Variants in KIAA1217 observed in about 807,000 individuals in gnomAD.
The protein encoded by KIAA1217 is sickle tail protein homolog.
Under a neutral mutation model 163.9 loss-of-function variants are expected in KIAA1217, and 88 were observed. The observed-to-expected ratio is 0.54, with a 90% confidence interval of 0.45 to 0.64. KIAA1217 has a LOEUF of 0.64. KIAA1217 is among the 30% of genes least tolerant of loss of function. KIAA1217 has a pLI of 0.00. For missense variants in KIAA1217, 2,372 were observed against 2,475.0 expected (o/e 0.96, Z 0.88); for synonymous variants, 903 against 923.1 (o/e 0.98, Z 0.39).
intron 2 of KIAA1217, among the ~76,000 whole-genome samples, chr10:24,117,279 C>A (rs898904504): frequency 6.6e-6 from 1 of 152,086 alleles, no homozygotes; most frequent in African/African-American, 2.4e-5. Flanking sequence ...TCAGGTGATC[C>A]GCCCGCCTTG....
intron 3 of KIAA1217, among the ~76,000 whole-genome samples, chr10:24,422,064 C>T (rs2058774488): frequency 6.6e-6 from 1 of 152,226 alleles, no homozygotes; most frequent in Middle Eastern, 3.4e-3. Flanking sequence ...AGTAAAGTCA[C>T]ATCTTACATG....
chr10:23,993,553 C>CTTTGTTTTTTTTTTTTTT (rs1846318507), intron 1 of KIAA1217, among the ~76,000 whole-genome samples: 1 of 68,956 alleles, frequency 1.5e-5, no homozygotes, highest in African/African-American at 8.4e-5. Context: ...CATAGCCCAG[C>CTTTGTTTTTTTTTTTTTT]TTTTTTTTTT....
chr10:23,924,889 AT>A (rs1842964866), intron 1 of KIAA1217, among the ~76,000 whole-genome samples: 1 of 150,912 alleles, frequency 6.6e-6, no homozygotes, highest in South Asian at 2.1e-4. Flanking sequence ...GGAAAAAAAA[AT>A]AATGAATTTA....
At chr10:24,109,543 A>T (rs1282704722) in intron 2 of KIAA1217, among the ~76,000 whole-genome samples, 2 of 152,158 alleles carry the variant, frequency 1.3e-5, no homozygotes, top group Admixed American at 1.3e-4. Flanking sequence ...AACAGATGGA[A>T]ACTGGAGGGT....
In KIAA1217 at chr10:23,936,877, T is replaced by A. The variant is rs147872442; in HGVS notation, c.-320-70348T>A. On this transcript the variant is annotated intron_variant, in intron 1 of 18. Transcript: ENST00000376462. ...CATGATAATACAAATACAGTTGAAG[T>A]CTCCTTTCATTCTTTTTTTTTGACA... is the stretch of plus-strand genomic sequence containing the variant. Among the ~76,000 whole-genome samples the A allele has an allele frequency of 6.9e-4, 105 of 152,030 alleles. 2 individuals carry two copies. In the East Asian group the frequency reaches 0.017, roughly 25 times the overall value.
chr10:24,191,680 A>G (rs948781875), intron 2 of KIAA1217, among the ~76,000 whole-genome samples: 5 of 152,354 alleles, frequency 3.3e-5, no homozygotes, highest in African/African-American at 1.2e-4. Context: ...TGTAGTGGGT[A>G]ACAGATTTCA....
chr10:24,087,091 C>T (rs1388284195), intron 2 of KIAA1217, among the ~76,000 whole-genome samples: 1 of 152,110 alleles, frequency 6.6e-6, no homozygotes, highest in Non-Finnish European at 1.5e-5. Context: ...ATGAAAGCTG[C>T]TTTGTAGGAA....
At chr10:24,523,029 C>T (rs566893208) in intron 12 of KIAA1217, among the ~76,000 whole-genome samples, 34 of 151,544 alleles carry the variant, frequency 2.2e-4, no homozygotes, top group African/African-American at 7.5e-4. Context: ...GGCACGTGCT[C>T]GTAATCCCAG....
chr10:23,823,023 T>G (rs1022930459), intron 1 of KIAA1217, among the ~76,000 whole-genome samples: 1 of 152,250 alleles, frequency 6.6e-6, no homozygotes, highest in African/African-American at 2.4e-5. Context: ...CTTGCATTCA[T>G]TTTTTATTGC....
At chr10:24,172,270 A>C (rs988900380) in intron 2 of KIAA1217, among the ~76,000 whole-genome samples, 3 of 152,218 alleles carry the variant, frequency 2.0e-5, no homozygotes, top group African/African-American at 7.2e-5. Context: ...GCTGTCAAAT[A>C]ATTTGTCACT....
chr10:23,853,128 C>T (rs925461597), intron 1 of KIAA1217, among the ~76,000 whole-genome samples: 1 of 152,158 alleles, frequency 6.6e-6, no homozygotes, highest in Non-Finnish European at 1.5e-5. Context: ...TTTGCTCATT[C>T]AGTATGATAT....
chr10:24,308,316 C>G (rs548428632), intron 2 of KIAA1217, among the ~76,000 whole-genome samples: 1 of 152,314 alleles, frequency 6.6e-6, no homozygotes, highest in Non-Finnish European at 1.5e-5. Flanking sequence ...ATTCCATATG[C>G]TGTTAGATAA....
At chr10:24,196,626 G>C (rs1036070078) in intron 2 of KIAA1217, among the ~76,000 whole-genome samples, 7 of 152,342 alleles carry the variant, frequency 4.6e-5, no homozygotes, top group Admixed American at 2.6e-4. Context: ...TCGCCCCCTA[G>C]TGGCCATATG....
rs777385251 is a variant in KIAA1217 at position 24,543,434 on chromosome 10, C to T, written c.4164C>T (p.Thr1388=). ...CTGACAATATTGCCTTCATGATTAC[C>T]GAAACCACTGTCCAGGTTCTTTCCA... ...AATDNIAFMI[T]ETTVQVLSSG... is the part of the protein sequence containing the mutation. Residue 1388 remains threonine (T), a synonymous_variant, in exon 19 of 21, where the codon ACC becomes ACT. Coordinates refer to ENST00000376454, the MANE Select transcript of KIAA1217 (RefSeq NM_019590.5). 60 of 1,613,940 alleles carry T rather than the reference C, an allele frequency of 3.7e-5. No homozygotes were observed. Among genetic ancestry groups the T allele is most frequent in the East Asian group, 3.1e-4 (14 of 44,888 alleles).
chr10:24,544,130 C>T lies in KIAA1217; in HGVS notation c.4860C>T (p.Ala1620=), dbSNP rs549554020. Residue 1620 remains alanine, a synonymous_variant, in exon 19 of 21, where the codon GCC becomes GCT. Transcript: ENST00000376454. The part of the protein sequence containing the change: ...EDGTLKQHKE[A]KRFEIARSQP... ...GCACCCTGAAACAGCACAAAGAAGC[C>T]AAGCGCTTCGAAATCGCTAGGTCTC... The T allele has an allele frequency of 6.2e-7, 1 of 1,614,072 alleles. No individual in the cohort carries two copies. Among genetic ancestry groups the T allele is most frequent in the South Asian group, 1.1e-5 (1 of 91,072 alleles).
intron 1 of KIAA1217, among the ~76,000 whole-genome samples, chr10:23,860,137 A>G (rs1839885466): frequency 6.6e-6 from 1 of 152,114 alleles, no homozygotes; most frequent in African/African-American, 2.4e-5. Flanking sequence ...GAGCAGCTAC[A>G]GGATTGGGCC....
chr10:24,110,912 A>AT (rs1176040658), intron 2 of KIAA1217, among the ~76,000 whole-genome samples: 2 of 152,098 alleles, frequency 1.3e-5, no homozygotes, highest in Admixed American at 6.6e-5. Context: ...TTTTTAAGTT[A>AT]TTTTTTTCAG....
intron 2 of KIAA1217, among the ~76,000 whole-genome samples, chr10:24,268,836 T>G (rs1476702481): frequency 7.4e-6 from 1 of 135,246 alleles, no homozygotes; most frequent in Non-Finnish European, 1.6e-5. Flanking sequence ...TAGACTGGAT[T>G]AAGAAAATGT....
chr10:23,726,841 A>G (rs1196513736), intron 1 of KIAA1217, among the ~76,000 whole-genome samples: 1 of 152,182 alleles, frequency 6.6e-6, no homozygotes, highest in Non-Finnish European at 1.5e-5. Flanking sequence ...TTACAAAGGA[A>G]ATGTAATTCA....
Sources: allele counts gnomAD v4.1 joint callset (sites outside exome capture counted in the v4.1 genomes callset), GRCh38; gene constraint gnomAD v4.1.1; transcripts MANE v1.5; gene names NCBI Gene and HGNC (gene_info 2026-07-23, HGNC 2026-07-21).